DSP: variants seen among roughly 807,000 people sequenced by gnomAD.
DSP encodes 250/210 kDa paraneoplastic pemphigus antigen.
In DSP, 114 loss-of-function variants were observed where a neutral mutation model predicts 290.6. That is an observed-to-expected ratio of 0.39 (90% CI 0.34 to 0.46). The LOEUF is 0.46. Ranked by LOEUF, DSP falls within the 20% of genes least tolerant of loss-of-function variation. The probability of loss-of-function intolerance (pLI) is 0.99; values close to 1 mark genes in which losing one functional copy is unlikely to be tolerated. For synonymous variants in DSP, 1,311 were observed against 1,316.4 expected (o/e 1.00, Z 0.09); for missense variants, 3,230 against 3,495.8 (o/e 0.92, Z 1.92).
chr6:7,579,234 G>A lies in DSP; in HGVS notation c.3085-41G>A. 2 of 1,610,788 alleles carry A rather than the reference G, an allele frequency of 1.2e-6. No homozygotes were observed. Among genetic ancestry groups the A allele is most frequent in the Non-Finnish European group, 1.7e-6 (2 of 1,178,448 alleles). ...GTACTGCTTCTTTCTTGGAATGTGA[G>A]GTGTTTTTCTTTTGACATAATCTCT... On this transcript the variant is annotated intron_variant, in intron 22 of 23. Transcript: ENST00000379802. This position sits in a 1 kb window ranked among gnomAD's most constrained non-coding sequence, Gnocchi z 4.1.
In DSP at chr6:7,580,761, CAAT is replaced by C; in HGVS notation, c.4574_4576del (p.Ile1525del). On this transcript the variant is annotated inframe_deletion, in exon 23 of 24. Transcript: ENST00000379802. The surrounding 1 kb of genome is among the most constrained non-coding windows in gnomAD (Gnocchi z 4.2). ...AAAGCAAACAGTAGTGCGACGGAGA[CAAT>C]AAACAAACTGAAGGTTCAGGAGCAA... The C allele has an allele frequency of 6.2e-7, 1 of 1,614,052 alleles. No individual in the cohort carries two copies. Among genetic ancestry groups the C allele is most frequent in the Non-Finnish European group, 8.5e-7 (1 of 1,180,018 alleles).
chr6:7,570,367 G>A (rs1427084296), intron 12 of DSP, 70 bp from the exon 13 acceptor site: 3 of 1,612,168 alleles, frequency 1.9e-6, no homozygotes, highest in East Asian at 2.2e-5. Flanking sequence ...GTGTGAGCGT[G>A]TCCAGGTTTC....
intron 4 of DSP, among the ~76,000 whole-genome samples, chr6:7,562,374 T>TTG (rs1758722216): frequency 1.0e-5 from 1 of 98,500 alleles, no homozygotes. Context: ...GTAGATTTGG[T>TTG]TTTTTTTTTT....
Position 7,584,227 on chromosome 6 carries a change from G to T in DSP, c.6965G>T (p.Gly2322Val). 6.2e-7 allele frequency: 1 copy of T among 1,614,210 alleles called. No individual in the cohort carries two copies. The highest frequency in any genetic ancestry group is 8.5e-7 in the Non-Finnish European group (1 of 1,180,042). ...GAAGCCTACAAGAGAGGTCTGGTGG[G>T]CATTGAGTTCAAAGAGAAGCTCCTG... Reference protein sequence around the residue: ...VEEAYKRGLVGIEFKEKLLSA... With the variant: ...VEEAYKRGLVVIEFKEKLLSA... Residue 2322 changes from glycine (G) to valine (V), a missense_variant, in exon 24 of 24, where the codon GGC becomes GTC. This residue lies in a region of DSP where 207 missense variants were observed against 281.2 expected (regional missense o/e 0.74). Coordinates refer to ENST00000379802, the MANE Select transcript of DSP (RefSeq NM_004415.4). This position sits in a 1 kb window ranked among gnomAD's most constrained non-coding sequence, Gnocchi z 6.4.
rs1554108431 is a variant in DSP, at chr6:7,581,189, C to A, written c.4999C>A (p.Gln1667Lys). Residue 1667 changes from glutamine to lysine, a missense_variant, in exon 23 of 24, where the codon CAG becomes AAG. This residue lies in a region of DSP where 1,714 missense variants were observed against 1,844.5 expected (regional missense o/e 0.93). Transcript: ENST00000379802. ...LSSEVEALRR[Q>K]LLQEQESVKQ... ...TTCTGAGGTCGAGGCCCTGAGGCGG[C>A]AGTTACTCCAGGAACAGGAAAGTGT... 2 of 1,614,026 alleles carry A rather than the reference C, an allele frequency of 1.2e-6. No individual in the cohort carries two copies. The highest frequency in any genetic ancestry group is 1.7e-5 in the Admixed American group (1 of 60,000).
intron 16 of DSP, 111 bp from the exon 17 acceptor site, chr6:7,574,546 A>G (rs1581809346): frequency 6.7e-7 from 1 of 1,500,458 alleles, no homozygotes; most frequent in East Asian, 2.3e-5. Flanking sequence ...AGACAAAATA[A>G]ATTTTTATCT....
intron 17 of DSP, 39 bp from the exon 18 acceptor site, chr6:7,575,256 A>G: frequency 6.2e-7 from 1 of 1,609,370 alleles, no homozygotes; most frequent in Non-Finnish European, 8.5e-7. Context: ...CAATGGGAGA[A>G]GGGATTAATT....
intron 2 of DSP, 109 bp downstream of exon 2, chr6:7,555,929 T>G (rs1758496015): frequency 7.7e-6 from 7 of 909,398 alleles, no homozygotes; most frequent in Non-Finnish European, 1.2e-5. Flanking sequence ...TTTCACGTAG[T>G]GTTTAGAGAC....
intron 1 of DSP, among the ~76,000 whole-genome samples, chr6:7,554,125 A>ACACACACACACACACACC (rs772041102): frequency 0.011 from 1,535 of 144,178 alleles, 23 homozygotes; most frequent in African/African-American, 0.017. Flanking sequence ...ACACACACAC[A>ACACACACACACACACACC]CCCAGTTGGT....
At chr6:7,577,343 G>A (rs999794409) in intron 20 of DSP, among the ~76,000 whole-genome samples, 3 of 152,100 alleles carry the variant, frequency 2.0e-5, no homozygotes, top group African/African-American at 7.2e-5. Context: ...TTGTTTGTTT[G>A]TTTGGAGAGA....
rs761836378 is a variant in DSP at position 7,541,878 on chromosome 6, G to T, written c.-38G>T. 2.5e-6 allele frequency: 4 copies of T among 1,587,192 alleles called. No homozygotes were observed. Among genetic ancestry groups the T allele is most frequent in the African/African-American group, 1.3e-5 (1 of 74,086 alleles). The stretch of plus-strand genomic sequence containing the variant: ...CTCCGCGCCGGCCCGCCTCGCTTAT[G>T]CCTCGGCGCTGAGCCGCTCTCCCGA... On this transcript the variant is annotated 5_prime_UTR_variant, in exon 1 of 24. It removes an upstream start codon present in the reference 5' UTR. Coordinates refer to ENST00000379802, the MANE Select transcript of DSP (RefSeq NM_004415.4).
Position 7,544,592 on chromosome 6 carries a change from T to C in DSP, c.170+2507T>C, listed in dbSNP as rs540334091. On this transcript the variant is annotated intron_variant, in intron 1 of 23. Coordinates refer to ENST00000379802, the MANE Select transcript of DSP (RefSeq NM_004415.4). Reference sequence around the variant, plus strand: ...ACTTTATGGCTGAATTATTAATAGATTGGTGATTTTTGAGATGAGTGTTTT... The same window carrying C: ...ACTTTATGGCTGAATTATTAATAGACTGGTGATTTTTGAGATGAGTGTTTT... Among the ~76,000 whole-genome samples, 410 of 152,220 alleles carry C rather than the reference T, an allele frequency of 2.7e-3. 3 individuals are homozygous for C. The highest frequency in any genetic ancestry group is 9.4e-3 in the African/African-American group (390 of 41,528).
intron 6 of DSP, among the ~76,000 whole-genome samples, chr6:7,564,501 G>T (rs1000350779): frequency 2.6e-5 from 4 of 152,142 alleles, no homozygotes; most frequent in African/African-American, 7.2e-5. Context: ...GGAGAAGGTA[G>T]GAAAAGCTTG....
intron 1 of DSP, among the ~76,000 whole-genome samples, chr6:7,545,774 G>A (rs1476249528): frequency 6.6e-6 from 1 of 152,226 alleles, no homozygotes; most frequent in Non-Finnish European, 1.5e-5. Flanking sequence ...TAAAGGAAGT[G>A]GTGTCGAACT....
At chr6:7,562,864 G>C in intron 5 of DSP, 84 bp downstream of exon 5, 1 of 1,581,586 alleles carries the variant, frequency 6.3e-7, no homozygotes, top group South Asian at 1.1e-5. Flanking sequence ...AGTTTCTTCT[G>C]AAACATTGCT....
In DSP at chr6:7,543,268, C is replaced by G. The variant is rs190050116; in HGVS notation, c.170+1183C>G. On this transcript the variant is annotated intron_variant, in intron 1 of 23. Transcript: ENST00000379802. ...TGGCCCTAGGCCTGGGAGGAGCAAC[C>G]TGAATGCGCTCCAGGGAGTTTTGTT... Among the ~76,000 whole-genome samples, 21 of 152,260 alleles carry G rather than the reference C, an allele frequency of 1.4e-4. No individual in the cohort carries two copies. In the East Asian group the frequency reaches 3.9e-3, roughly 28 times the overall value.
At chr6:7,574,530 A>T (rs1376700020) in intron 16 of DSP, 127 bp from the exon 17 acceptor site, 1 of 1,434,472 alleles carries the variant, frequency 7.0e-7, no homozygotes, top group African/African-American at 1.4e-5. Flanking sequence ...CAATAGACCA[A>T]AAAACAGACA....
intron 15 of DSP, among the ~76,000 whole-genome samples, chr6:7,572,499 A>C (rs1759086422): frequency 6.6e-6 from 1 of 152,198 alleles, no homozygotes; most frequent in Non-Finnish European, 1.5e-5. Context: ...TTTCTGCTCA[A>C]CCAAGCCTGG....
chr6:7,562,619 C>T, intron 4 of DSP, 33 bp from the exon 5 acceptor site: 1 of 1,613,560 alleles, frequency 6.2e-7, no homozygotes, highest in Non-Finnish European at 8.5e-7. Context: ...GGGGCAACAA[C>T]AAAGGGCGCC....
Sources: allele counts gnomAD v4.1 joint callset (sites outside exome capture counted in the v4.1 genomes callset), GRCh38; gene constraint gnomAD v4.1.1; regional missense constraint gnomAD v4.1.1; non-coding constraint Gnocchi (gnomAD v3.1); transcripts MANE v1.5; gene names NCBI Gene and HGNC (gene_info 2026-07-23, HGNC 2026-07-21).